The following RASSF7 variants were observed in gnomAD, a reference collection of about 807,000 sequenced individuals.
RASSF7 encodes the protein ras association domain-containing protein 7.
Under a neutral mutation model 33.8 loss-of-function variants are expected in RASSF7, and 41 were observed. That is an observed-to-expected ratio of 1.21 (90% CI 0.95 to 1.57). The LOEUF (loss-of-function observed/expected upper bound fraction) is 1.57, where lower values mean the gene tolerates loss of function less well. Among genes scored for constraint, RASSF7 ranks in the 40% most tolerant of loss-of-function variants. The probability of loss-of-function intolerance (pLI) is 0.00; values close to 1 mark genes in which losing one functional copy is unlikely to be tolerated. For missense variants in RASSF7, 622 were observed against 497.0 expected (o/e 1.25, Z -2.39); for synonymous variants, 298 against 212.8 (o/e 1.40, Z -3.48).
rs962230117 is a variant in RASSF7, at chr11:561,505, G to A, written c.-8+28G>A. Reference sequence around the variant, plus strand: ...GAGGCGAGTAGGAAATGCTGGATCTGGTTAATGATTCGCCTTGTTCCGGGA... The same window carrying A: ...GAGGCGAGTAGGAAATGCTGGATCTAGTTAATGATTCGCCTTGTTCCGGGA... On this transcript the variant is annotated intron_variant, in intron 1 of 5. Coordinates refer to ENST00000397583, the MANE Select transcript of RASSF7 (RefSeq NM_003475.4). 49 of 1,386,558 alleles carry A rather than the reference G, an allele frequency of 3.5e-5. 1 individual carries two copies. The highest frequency in any genetic ancestry group is 5.4e-4 in the Middle Eastern group (2 of 3,696). 85.9% of individuals were successfully genotyped at this position (1,386,558 alleles called of 1,614,324 possible). A position where few individuals can be genotyped will look rare whatever the true frequency, so the allele number is the denominator to read the frequency against.
chr11:562,519 G>A lies in RASSF7; in HGVS notation c.565G>A (p.Gly189Arg). The change falls in exon 3 of 6, where the codon GGA becomes AGA. Residue 189 changes from glycine to arginine, a missense_variant. Gly to Arg is a moderately radical substitution (Grantham distance 125). Coordinates refer to ENST00000397583, the MANE Select transcript of RASSF7 (RefSeq NM_003475.4). The part of the protein sequence containing the change: ...LRREQARERE[G>R]QARLQALSAA... ...CCGGGAGCAGGCCCGGGAGCGAGAG[G>A]GACAGGCACGCCTGCAGGCACTAAG... The A allele has an allele frequency of 1.9e-6, 3 of 1,549,190 alleles. No homozygotes were observed. The highest frequency in any genetic ancestry group is 1.7e-6 in the Non-Finnish European group (2 of 1,146,872).
At position 562,283 on chromosome 11, in the gene RASSF7, C is replaced by G; in HGVS notation, c.329C>G (p.Ala110Gly). 2 of 1,612,868 alleles carry G rather than the reference C, an allele frequency of 1.2e-6. No individual in the cohort carries two copies. Among genetic ancestry groups the G allele is most frequent in the African/African-American group, 2.7e-5 (2 of 75,066 alleles). Residue 110 changes from alanine (A) to glycine (G), a missense_variant, in exon 3 of 6, where the codon GCC becomes GGC. Coordinates refer to ENST00000397583, the MANE Select transcript of RASSF7 (RefSeq NM_003475.4). The part of the protein sequence containing the change: ...CPPPERCLIR[A>G]SLPVKPRAAL... The stretch of plus-strand genomic sequence containing the variant: ...CCCCCGGAACGCTGCCTAATTCGTG[C>G]CAGCCTCCCTGTAAAGCCACGGGCT...
rs999562950 is a variant in RASSF7, at chr11:561,340, C to G, written c.-145C>G. The G allele has an allele frequency of 9.9e-7, 1 of 1,010,892 alleles. No individual in the cohort carries two copies. Among genetic ancestry groups the G allele is most frequent in the Non-Finnish European group, 1.2e-6 (1 of 847,238 alleles). The allele number at this position is 1,010,892 out of a possible 1,614,324, so 62.6% of individuals were successfully genotyped here. ...CCGGAGTCTGCTCCATCTGCAGGGT[C>G]GAGGTCTGGGTTGCGACCCCGAGCG... On this transcript the variant is annotated 5_prime_UTR_variant, in exon 1 of 6. Transcript: ENST00000397583.
chr11:563,083 GCAGATATGGGGGT>G, intron 3 of RASSF7, 93 bp from the exon 4 acceptor site: 1 of 1,132,944 alleles, frequency 8.8e-7, no homozygotes, highest in East Asian at 2.4e-5. Context: ...CCTGACGTGG[GCAGATATGGGGGT>G]CACAGGGCCC....
chr11:562,364 C>G lies in RASSF7; in HGVS notation c.410C>G (p.Ser137Ter). ...TLTPEPAPSL[S>*]RPGPAAPVTP... The stretch of plus-strand genomic sequence containing the variant: ...ACCCCCGAGCCAGCCCCCAGCCTCT[C>G]ACGCCCTGGGCCTGCGGCCCCTGTG... The change falls in exon 3 of 6, where the codon TCA becomes TGA. Residue 137 changes from serine (S) to a stop codon, truncating the protein, a stop_gained. Transcript: ENST00000397583. LOFTEE classifies it high-confidence loss of function. 6.3e-7 allele frequency: 1 copy of G among 1,598,638 alleles called. No homozygotes were observed. Among genetic ancestry groups the G allele is most frequent in the Non-Finnish European group, 8.5e-7 (1 of 1,173,194 alleles).
intron 3 of RASSF7, 35 bp from the exon 4 acceptor site, chr11:563,154 T>C: frequency 6.5e-7 from 1 of 1,530,418 alleles, no homozygotes; most frequent in African/African-American, 1.4e-5. Flanking sequence ...TGGAGCCCAG[T>C]GGCTGTGCCT....
At position 562,166 on chromosome 11, in the gene RASSF7, C is replaced by T. The variant is rs569632920; in HGVS notation, c.212C>T (p.Ala71Val). 76 of 1,571,832 alleles carry T rather than the reference C, an allele frequency of 4.8e-5. No individual in the cohort carries two copies. In the African/African-American group the frequency reaches 4.9e-4, roughly 10 times the overall value. ...LPQECPVGAQ[A>V]TCGQFASDVQ... ...CAAGAGTGTCCAGTGGGCGCCCAGG[C>T]CACCTGCGGACAGTTTGCCAGCGAT... The change falls in exon 3 of 6, where the codon GCC becomes GTC. Residue 71 changes from alanine to valine, a missense_variant. Ala to Val is a moderately conservative substitution (Grantham distance 64). Transcript: ENST00000397583.
chr11:561,487 G>C lies in RASSF7; in HGVS notation c.-8+10G>C. ...GTGTCCTCCGAGCCAGGTGAGGCGAGTAGGAAATGCTGGATCTGGTTAATG... is the reference window on the plus strand; with the variant it reads ...GTGTCCTCCGAGCCAGGTGAGGCGACTAGGAAATGCTGGATCTGGTTAATG... On this transcript the variant is annotated intron_variant, in intron 1 of 5. Transcript: ENST00000397583. The C allele has an allele frequency of 7.6e-7, 1 of 1,317,456 alleles. No individual in the cohort carries two copies. Among genetic ancestry groups the C allele is most frequent in the East Asian group, 3.1e-5 (1 of 32,752 alleles). 81.6% of individuals were successfully genotyped at this position (1,317,456 alleles called of 1,614,324 possible).
chr11:563,145 G>T, intron 3 of RASSF7, 44 bp from the exon 4 acceptor site: 1 of 1,513,492 alleles, frequency 6.6e-7, no homozygotes. Context: ...CAAGGGCTGT[G>T]GAGCCCAGTG....
chr11:561,025 A>T lies in RASSF7; in HGVS notation c.-460A>T. On this transcript the variant is annotated 5_prime_UTR_variant, in exon 1 of 6. Coordinates refer to ENST00000397583, the MANE Select transcript of RASSF7 (RefSeq NM_003475.4). ...GCCGGAGCGGGTCTCCAGGCTGGCG[A>T]GCGCCCAGGTGAGCCGCGCCGGGTC... The T allele has an allele frequency of 9.9e-7, 1 of 1,008,060 alleles. No individual in the cohort carries two copies. The highest frequency in any genetic ancestry group is 1.2e-6 in the Non-Finnish European group (1 of 845,826). The allele number at this position is 1,008,060 out of a possible 1,614,324, so 62.4% of individuals were successfully genotyped here.
rs1463661706 is a variant in RASSF7, at chr11:560,987, A to G, written c.-498A>G. The G allele has an allele frequency of 9.4e-7, 1 of 1,067,858 alleles. No homozygotes were observed. Among genetic ancestry groups the G allele is most frequent in the African/African-American group, 1.7e-5 (1 of 59,276 alleles). 66.1% of individuals were successfully genotyped at this position (1,067,858 alleles called of 1,614,324 possible). A position where few individuals can be genotyped will look rare whatever the true frequency, so the allele number is the denominator to read the frequency against. ...GGTGCGCCGCGGCGCTGGGGGCGGC[A>G]GGTTGCGGCGGCGCCGGAGCGGGTC... On this transcript the variant is annotated 5_prime_UTR_variant, in exon 1 of 6. Transcript: ENST00000397583.
chr11:561,424 G>C lies in RASSF7; in HGVS notation c.-61G>C. The C allele has an allele frequency of 8.7e-7, 1 of 1,148,184 alleles. No individual in the cohort carries two copies. The highest frequency in any genetic ancestry group is 1.1e-6 in the Non-Finnish European group (1 of 929,214). 71.1% of individuals were successfully genotyped at this position (1,148,184 alleles called of 1,614,324 possible). A position where few individuals can be genotyped will look rare whatever the true frequency, so the allele number is the denominator to read the frequency against. On this transcript the variant is annotated 5_prime_UTR_variant, in exon 1 of 6. Transcript: ENST00000397583. ...TCCCATGCCGGCGGCCGCGGGGCCTGGCGTGCGGGCGCCTCCGCGCCGCCC... is the reference window on the plus strand; with the variant it reads ...TCCCATGCCGGCGGCCGCGGGGCCTCGCGTGCGGGCGCCTCCGCGCCGCCC...
chr11:561,104 A>T lies in RASSF7; in HGVS notation c.-381A>T. Reference sequence around the variant, plus strand: ...TCGAGCCGGCCGGACGCCGACTCCAACTGGGGAGAGTTTTCCGCGATGCCC... The same window carrying T: ...TCGAGCCGGCCGGACGCCGACTCCATCTGGGGAGAGTTTTCCGCGATGCCC... On this transcript the variant is annotated 5_prime_UTR_variant, in exon 1 of 6. Coordinates refer to ENST00000397583, the MANE Select transcript of RASSF7 (RefSeq NM_003475.4). 1 of 985,482 alleles carries T rather than the reference A, an allele frequency of 1.0e-6. No homozygotes were observed. 61.0% of individuals were successfully genotyped at this position (985,482 alleles called of 1,614,324 possible).
Position 562,397 on chromosome 11 carries a change from C to T in RASSF7, c.443C>T (p.Thr148Ile). The change falls in exon 3 of 6, where the codon ACA becomes ATA. Residue 148 changes from threonine (T) to isoleucine (I), a missense_variant. Coordinates refer to ENST00000397583, the MANE Select transcript of RASSF7 (RefSeq NM_003475.4). ...RPGPAAPVTP[T>I]PGCCTDLRGL... ...GGGCCTGCGGCCCCTGTGACACCCA[C>T]ACCAGGCTGCTGCACAGACCTGCGG... 1 of 1,571,614 alleles carries T rather than the reference C, an allele frequency of 6.4e-7. No homozygotes were observed. Among genetic ancestry groups the T allele is most frequent in the Non-Finnish European group, 8.6e-7 (1 of 1,158,284 alleles).
chr11:563,140 G>T (rs752096210), intron 3 of RASSF7, 49 bp from the exon 4 acceptor site: 2 of 1,504,482 alleles, frequency 1.3e-6, no homozygotes, highest in Admixed American at 2.0e-5. Flanking sequence ...GAGCACAAGG[G>T]CTGTGGAGCC....
chr11:563,444 G>A lies in RASSF7; in HGVS notation c.1000G>A (p.Glu334Lys). 2 of 1,611,714 alleles carry A rather than the reference G, an allele frequency of 1.2e-6. No homozygotes were observed. Among genetic ancestry groups the A allele is most frequent in the Admixed American group, 3.3e-5 (2 of 59,930 alleles). ...REESLLGAPSESHAGAQPRPR... is the reference protein window; with the variant it reads ...REESLLGAPSKSHAGAQPRPR... Reference sequence around the variant, plus strand: ...GGAGTCCCTCCTGGGCGCTCCCTCTGAGTCCCATGCTGGTGCCCAGCCTAG... The same window carrying A: ...GGAGTCCCTCCTGGGCGCTCCCTCTAAGTCCCATGCTGGTGCCCAGCCTAG... Residue 334 changes from glutamate (E) to lysine (K), a missense_variant, in exon 5 of 6, where the codon GAG becomes AAG. Glu to Lys is a moderately conservative substitution (Grantham distance 56). Transcript: ENST00000397583.
intron 2 of RASSF7, 28 bp from the exon 3 acceptor site, chr11:562,051 T>G: frequency 6.7e-7 from 1 of 1,498,904 alleles, no homozygotes. Context: ...CGGGGGGACA[T>G]AGGCTGACCT....
rs938864968 is a variant in RASSF7 at position 563,820 on chromosome 11, G to A, written c.*175G>A. On this transcript the variant is annotated 3_prime_UTR_variant, in exon 6 of 6. Coordinates refer to ENST00000397583, the MANE Select transcript of RASSF7 (RefSeq NM_003475.4). ...GTCGCCAGCACCCTGGAGAAGCATG[G>A]GGCGTAGCCAGCTCGGAACTTGCCA... 2 of 638,428 alleles carry A rather than the reference G, an allele frequency of 3.1e-6. No individual in the cohort carries two copies. The highest frequency in any genetic ancestry group is 5.4e-6 in the Non-Finnish European group (2 of 373,018). The allele number at this position is 638,428 out of a possible 1,614,324, so 39.5% of individuals were successfully genotyped here. A position where few individuals can be genotyped will look rare whatever the true frequency, so the allele number is the denominator to read the frequency against.
chr11:562,428 G>A lies in RASSF7; in HGVS notation c.474G>A (p.Leu158=), dbSNP rs1478342000. 6.4e-7 allele frequency: 1 copy of A among 1,553,984 alleles called. No individual in the cohort carries two copies. The highest frequency in any genetic ancestry group is 1.2e-5 in the South Asian group (1 of 84,848). ...GCTGCTGCACAGACCTGCGGGGCCT[G>A]GAGCTCAGGGTGCAGAGGAATGCTG... is the stretch of plus-strand genomic sequence containing the variant. ...TPGCCTDLRG[L]ELRVQRNAEE... Residue 158 remains leucine, a synonymous_variant, in exon 3 of 6, where the codon CTG becomes CTA. Coordinates refer to ENST00000397583, the MANE Select transcript of RASSF7 (RefSeq NM_003475.4).
Sources: gnomAD v4.1 joint callset for allele counts on GRCh38, gnomAD v4.1.1 for gene constraint, MANE v1.5 for transcripts, NCBI Gene and HGNC (gene_info 2026-07-23, HGNC 2026-07-21) for gene names.